ADAMTSL3: variants seen among roughly 807,000 people sequenced by gnomAD.
ADAMTSL3 encodes ADAMTS-like protein 3.
ADAMTSL3 carries 128 observed loss-of-function variants against 201.7 expected under a neutral mutation model. That is an observed-to-expected ratio of 0.63 (90% CI 0.55 to 0.73). The LOEUF is 0.73. Among genes scored for constraint, ADAMTSL3 ranks in the 30% least tolerant of loss-of-function variants. The probability of loss-of-function intolerance (pLI) is 0.00; values close to 1 mark genes in which losing one functional copy is unlikely to be tolerated. For synonymous variants in ADAMTSL3, 738 were observed against 748.4 expected, an observed-to-expected ratio of 0.99 and a Z score of 0.23; for missense variants, 1,990 against 2,119.6, an observed-to-expected ratio of 0.94 and a Z score of 1.20.
At chr15:84,024,317 TAAC>T (rs1411876111) in intron 26 of ADAMTSL3, among the ~76,000 whole-genome samples, 1 of 152,114 alleles carries the variant, frequency 6.6e-6, no homozygotes, top group Non-Finnish European at 1.5e-5. Flanking sequence ...ACACAAAAAA[TAAC>T]AAGATATAGT....
chr15:83,948,001 AC>A (rs1324456610), intron 19 of ADAMTSL3, among the ~76,000 whole-genome samples: 1 of 151,898 alleles, frequency 6.6e-6, no homozygotes, highest in Admixed American at 6.6e-5. Flanking sequence ...TGAGTTCTTC[AC>A]CTCCTATATT....
intron 3 of ADAMTSL3, among the ~76,000 whole-genome samples, chr15:83,728,458 T>C (rs766576254): frequency 1.1e-4 from 16 of 151,824 alleles, no homozygotes; most frequent in African/African-American, 2.2e-4. Flanking sequence ...TTAGTGAGGG[T>C]GATTTTCTCT....
chr15:83,737,952 T>C (rs2062393955), intron 3 of ADAMTSL3, among the ~76,000 whole-genome samples: 1 of 152,182 alleles, frequency 6.6e-6, no homozygotes, highest in Non-Finnish European at 1.5e-5. Flanking sequence ...GAAAAACGAA[T>C]TTTAATTTAT....
intron 6 of ADAMTSL3, among the ~76,000 whole-genome samples, chr15:83,832,485 G>T (rs1398163803): frequency 6.6e-6 from 1 of 152,212 alleles, no homozygotes; most frequent in African/African-American, 2.4e-5. Context: ...CTTTTGGCTA[G>T]GTGATTTGAA....
chr15:83,966,744 G>A (rs755253422), intron 19 of ADAMTSL3, among the ~76,000 whole-genome samples: 2 of 152,006 alleles, frequency 1.3e-5, no homozygotes, highest in South Asian at 2.1e-4. Context: ...AAAATTTCAG[G>A]CCAATATCCC....
intron 3 of ADAMTSL3, among the ~76,000 whole-genome samples, chr15:83,755,641 T>C (rs981401419): frequency 1.3e-5 from 2 of 152,264 alleles, no homozygotes; most frequent in African/African-American, 4.8e-5. Flanking sequence ...GTGTACACTA[T>C]ATTTTGCTTC....
At chr15:84,006,245 A>G (rs1443040748) in intron 23 of ADAMTSL3, among the ~76,000 whole-genome samples, 1 of 152,228 alleles carries the variant, frequency 6.6e-6, no homozygotes, top group Non-Finnish European at 1.5e-5. Flanking sequence ...AATTGGCAAC[A>G]TCATTTCTTC....
intron 6 of ADAMTSL3, among the ~76,000 whole-genome samples, chr15:83,836,119 T>C (rs1416849808): frequency 3.3e-5 from 5 of 152,258 alleles, no homozygotes; most frequent in Admixed American, 3.3e-4. Context: ...ATTGTATTAC[T>C]ATCTTTATAA....
chr15:83,773,445 A>G, intron 3 of ADAMTSL3, 78 bp from the exon 4 acceptor site: 1 of 1,475,994 alleles, frequency 6.8e-7, no homozygotes, highest in Middle Eastern at 2.2e-4. Context: ...ACTGGGGAAG[A>G]TTTGGGATAT....
chr15:83,704,012 A>AAC (rs2061811878), intron 2 of ADAMTSL3, among the ~76,000 whole-genome samples: 1 of 151,412 alleles, frequency 6.6e-6, no homozygotes, highest in Non-Finnish European at 1.5e-5. Flanking sequence ...CCAAAAAAAA[A>AAC]AAAAAACACA....
chr15:83,916,246 A>C (rs74407650), intron 16 of ADAMTSL3, among the ~76,000 whole-genome samples: 2,338 of 152,264 alleles, frequency 0.015, 59 homozygotes, highest in African/African-American at 0.05. Flanking sequence ...ATTTTAGAAA[A>C]GCTCAAGTTG....
intron 3 of ADAMTSL3, among the ~76,000 whole-genome samples, chr15:83,763,439 AC>A (rs2062840321): frequency 6.7e-6 from 1 of 149,956 alleles, no homozygotes; most frequent in South Asian, 2.1e-4. Context: ...ACAGGGTCTC[AC>A]TCTAGGCCTC....
intron 4 of ADAMTSL3, among the ~76,000 whole-genome samples, chr15:83,778,492 C>T (rs991726146): frequency 1.3e-5 from 2 of 152,128 alleles, no homozygotes; most frequent in African/African-American, 4.8e-5. Context: ...AAATTCCAAC[C>T]CAGAATTTCA....
At chr15:83,787,522 C>G (rs1280470342) in intron 4 of ADAMTSL3, among the ~76,000 whole-genome samples, 1 of 152,008 alleles carries the variant, frequency 6.6e-6, no homozygotes, top group African/African-American at 2.4e-5. Flanking sequence ...TTAAAAACAT[C>G]ATTTTTTTCA....
intron 8 of ADAMTSL3, among the ~76,000 whole-genome samples, chr15:83,861,114 G>A (rs542676688): frequency 6.6e-5 from 10 of 152,348 alleles, no homozygotes; most frequent in Middle Eastern, 3.4e-3. Context: ...CAGCGAGGCT[G>A]GGGGAGGGGC....
intron 3 of ADAMTSL3, among the ~76,000 whole-genome samples, chr15:83,755,036 A>G (rs1273300202): frequency 6.6e-6 from 1 of 152,140 alleles, no homozygotes; most frequent in African/African-American, 2.4e-5. Flanking sequence ...CCTGTTATTT[A>G]TTCAAAGTTT....
intron 25 of ADAMTSL3, among the ~76,000 whole-genome samples, chr15:84,017,077 A>G (rs539680833): frequency 1.9e-3 from 288 of 152,258 alleles, no homozygotes; most frequent in South Asian, 2.3e-3. Flanking sequence ...GAAGGACACA[A>G]ACTCTTTTTT....
At chr15:84,031,285 G>T in intron 27 of ADAMTSL3, 50 bp from the exon 28 acceptor site, 1 of 1,563,680 alleles carries the variant, frequency 6.4e-7, no homozygotes, top group Non-Finnish European at 8.8e-7. Flanking sequence ...AGTACACACA[G>T]CATGGATGAG....
At chr15:83,866,309 T>C (rs1235221890) in intron 8 of ADAMTSL3, among the ~76,000 whole-genome samples, 4 of 152,298 alleles carry the variant, frequency 2.6e-5, no homozygotes, top group East Asian at 3.9e-4. Context: ...CACATGCACA[T>C]GTATGTTTAT....
Sources: allele counts gnomAD v4.1 joint callset (sites outside exome capture counted in the v4.1 genomes callset), GRCh38; gene constraint gnomAD v4.1.1; transcripts MANE v1.5; gene names NCBI Gene and HGNC (gene_info 2026-07-23, HGNC 2026-07-21).